ANGPTL5: variants seen among roughly 807,000 people sequenced by gnomAD.
ANGPTL5 encodes the protein angiopoietin-related protein 5.
A neutral mutation model predicts 39.4 loss-of-function variants in ANGPTL5; 34 were observed. The observed-to-expected ratio is 0.86, with a 90% CI of 0.66 to 1.15. The LOEUF (loss-of-function observed/expected upper bound fraction) is 1.15, where lower values mean the gene tolerates loss of function less well. ANGPTL5 is among the 50% of genes most tolerant of loss of function. The pLI, the probability that ANGPTL5 is intolerant of heterozygous loss-of-function variation, is 0.00. For synonymous variants in ANGPTL5, 146 were observed against 152.1 expected (o/e 0.96, Z 0.29); for missense variants, 467 against 457.5 (o/e 1.02, Z -0.19).
At chr11:101,893,182 A>G (rs920850278) in intron 8 of ANGPTL5, among the ~76,000 whole-genome samples, 1 of 152,242 alleles carries the variant, frequency 6.6e-6, no homozygotes, top group African/African-American at 2.4e-5. Flanking sequence ...AAAATAGCCT[A>G]TTATAATATA....
At position 101,901,086 on chromosome 11, in the gene ANGPTL5, C is replaced by T. The variant is rs1486765416; in HGVS notation, c.541-536G>A. Among the ~76,000 whole-genome samples, 4 of 146,532 alleles carry T rather than the reference C, an allele frequency of 2.7e-5. No homozygotes were observed. In the East Asian group the frequency reaches 8.1e-4, roughly 30 times the overall value. ...TAGAGACGGGGTTTCGCTGTGTTAG[C>T]CAGGATGGTCTCGATCTCCTGACCT... On this transcript the variant is annotated intron_variant, in intron 6 of 8. Transcript: ENST00000334289.
chr11:101,904,813 C>T lies in ANGPTL5; in HGVS notation c.439+1G>A. On this transcript the variant is annotated splice_donor_variant, in intron 5 of 8. Coordinates refer to ENST00000334289, the MANE Select transcript of ANGPTL5 (RefSeq NM_178127.5). LOFTEE classifies it high-confidence loss of function. ...AAAGGCTGAAATACCAAAGTTCTCACCATGTGACTGAACAGGTCTGTGAGG... is the reference window on the plus strand; with the variant it reads ...AAAGGCTGAAATACCAAAGTTCTCATCATGTGACTGAACAGGTCTGTGAGG... 2 of 1,611,536 alleles carry T rather than the reference C, an allele frequency of 1.2e-6. No individual in the cohort carries two copies. The highest frequency in any genetic ancestry group is 1.1e-5 in the South Asian group (1 of 91,052).
intron 5 of ANGPTL5, among the ~76,000 whole-genome samples, chr11:101,904,349 T>C (rs1349252584): frequency 6.6e-6 from 1 of 152,182 alleles, no homozygotes; most frequent in African/African-American, 2.4e-5. Context: ...ATTAATATGC[T>C]GTATTTTAGT....
At chr11:101,900,637 A>G in intron 6 of ANGPTL5, 87 bp from the exon 7 acceptor site, 2 of 1,436,044 alleles carry the variant, frequency 1.4e-6, no homozygotes, top group South Asian at 1.2e-5. Flanking sequence ...CCTTAGGCTT[A>G]GAAAAAGAGA....
intron 1 of ANGPTL5, among the ~76,000 whole-genome samples, chr11:101,910,884 C>A (rs1056908502): frequency 1.3e-5 from 2 of 152,046 alleles, no homozygotes; most frequent in Non-Finnish European, 2.9e-5. Flanking sequence ...CCCACAACAA[C>A]TAGAGGGTCT....
rs1483298965 is a variant in ANGPTL5 at position 101,904,800 on chromosome 11, A to C, written c.439+14T>G. On this transcript the variant is annotated intron_variant, in intron 5 of 8. Transcript: ENST00000334289. ...AAGACAAACATGAAAAGGCTGAAAT[A>C]CCAAAGTTCTCACCATGTGACTGAA... is the stretch of plus-strand genomic sequence containing the variant. 6.2e-7 allele frequency: 1 copy of C among 1,605,250 alleles called. No homozygotes were observed. The highest frequency in any genetic ancestry group is 8.5e-7 in the Non-Finnish European group (1 of 1,172,118).
chr11:101,911,428 C>A (rs1367464072), intron 1 of ANGPTL5, among the ~76,000 whole-genome samples: 1 of 151,932 alleles, frequency 6.6e-6, no homozygotes, highest in Admixed American at 6.6e-5. Flanking sequence ...CAGGCCTCCC[C>A]GCCCAAATCT....
At chr11:101,898,262 T>C (rs1461723328) in intron 7 of ANGPTL5, among the ~76,000 whole-genome samples, 1 of 152,172 alleles carries the variant, frequency 6.6e-6, no homozygotes, top group African/African-American at 2.4e-5. Flanking sequence ...GCCATTTTCA[T>C]GATACTGATT....
chr11:101,903,576 A>G (rs2137059396), intron 5 of ANGPTL5, among the ~76,000 whole-genome samples: 1 of 152,292 alleles, frequency 6.6e-6, no homozygotes, highest in East Asian at 1.9e-4. Flanking sequence ...CAAATAATGA[A>G]GAAAATGCCA....
intron 6 of ANGPTL5, 89 bp downstream of exon 6, chr11:101,902,532 A>T: frequency 9.5e-7 from 1 of 1,049,870 alleles, no homozygotes; most frequent in Admixed American, 2.1e-5. Flanking sequence ...ATTAAATATT[A>T]AAACAATTTA....
chr11:101,891,197 G>A lies in ANGPTL5; in HGVS notation c.*82C>T. Reference sequence around the variant, plus strand: ...CAGTTAAATTTTGCCTAATATGTTTGAAACACTAAGTGAAAAGATAAACTT... The same window carrying A: ...CAGTTAAATTTTGCCTAATATGTTTAAAACACTAAGTGAAAAGATAAACTT... On this transcript the variant is annotated 3_prime_UTR_variant, in exon 9 of 9. Transcript: ENST00000334289. The A allele has an allele frequency of 7.5e-7, 1 of 1,341,384 alleles. No individual in the cohort carries two copies. The highest frequency in any genetic ancestry group is 1.0e-6 in the Non-Finnish European group (1 of 988,008). 83.1% of individuals were successfully genotyped at this position (1,341,384 alleles called of 1,614,324 possible).
intron 1 of ANGPTL5, chr11:101,915,283 G>A (rs117883580): frequency 0.06 from 97,028 of 1,613,576 alleles, 3,327 homozygotes; most frequent in Middle Eastern, 0.077. Flanking sequence ...CTGAAGTGAA[G>A]GATGCTGGCG....
rs200831714 is a variant in ANGPTL5 at position 101,907,185 on chromosome 11, A to C, written c.159T>G (p.Asn53Lys). 1 of 1,578,968 alleles carries C rather than the reference A, an allele frequency of 6.3e-7. No individual in the cohort carries two copies. Among genetic ancestry groups the C allele is most frequent in the East Asian group, 2.3e-5 (1 of 44,394 alleles). ...GSNAKDESKS[N>K]DTVCKEDCEE... ...CACAGTCTTCCTTACAAACAGTATC[A>C]TTACTTTTACTTTCATCTTTTGCAT... Residue 53 changes from asparagine to lysine, a missense_variant, in exon 3 of 9, where the codon AAT becomes AAG. Transcript: ENST00000334289.
At chr11:101,912,953 C>G (rs1940115130) in intron 1 of ANGPTL5, among the ~76,000 whole-genome samples, 1 of 152,216 alleles carries the variant, frequency 6.6e-6, no homozygotes, top group Non-Finnish European at 1.5e-5. Flanking sequence ...AGGGTTAAGT[C>G]ATGCACTCCT....
chr11:101,897,728 A>T (rs1030395023), intron 7 of ANGPTL5, among the ~76,000 whole-genome samples: 28 of 152,270 alleles, frequency 1.8e-4, no homozygotes, highest in African/African-American at 6.0e-4. Context: ...CTGTTTTGGT[A>T]CCAGTATCAA....
Position 101,900,316 on chromosome 11 carries a change from T to G in ANGPTL5, c.661+114A>C. ...TGAAAAGAGGGTGATTTAAGTTATATTTTGATATTTGCAAGCATTTGCTAT... is the reference window on the plus strand; with the variant it reads ...TGAAAAGAGGGTGATTTAAGTTATAGTTTGATATTTGCAAGCATTTGCTAT... On this transcript the variant is annotated intron_variant, in intron 7 of 8. Transcript: ENST00000334289. The G allele has an allele frequency of 3.7e-6, 4 of 1,066,678 alleles. No homozygotes were observed. The South Asian group carries it at 5.6e-5, about 15-fold the overall frequency. 66.1% of individuals were successfully genotyped at this position (1,066,678 alleles called of 1,614,324 possible).
chr11:101,912,122 A>G (rs1194492919), intron 1 of ANGPTL5, among the ~76,000 whole-genome samples: 1 of 152,256 alleles, frequency 6.6e-6, no homozygotes, highest in Non-Finnish European at 1.5e-5. Context: ...TCACGAACAT[A>G]AGGACTTTGA....
At chr11:101,908,255 A>T (rs919065497) in intron 1 of ANGPTL5, among the ~76,000 whole-genome samples, 19 of 152,202 alleles carry the variant, frequency 1.2e-4, no homozygotes, top group African/African-American at 4.1e-4. Flanking sequence ...GAATTTATAA[A>T]TTCATCTAAT....
chr11:101,897,997 G>T (rs1939829522), intron 7 of ANGPTL5, among the ~76,000 whole-genome samples: 1 of 152,170 alleles, frequency 6.6e-6, no homozygotes, highest in African/African-American at 2.4e-5. Context: ...GCCGAGGCAG[G>T]TGGATCACCT....
Sources: gnomAD v4.1 joint callset for allele counts (sites outside exome capture counted in the v4.1 genomes callset) on GRCh38, gnomAD v4.1.1 for gene constraint, MANE v1.5 for transcripts, NCBI Gene and HGNC (gene_info 2026-07-23, HGNC 2026-07-21) for gene names.